The following ZNF544 variants were observed in gnomAD, a reference collection of about 807,000 sequenced individuals.
ZNF544 encodes the protein zinc finger protein 544, also known as zinc finger protein AF020591.
Under a neutral mutation model 13.5 loss-of-function variants are expected in ZNF544, and 10 were observed. That is an observed-to-expected ratio of 0.74 (90% CI 0.46 to 1.25). The LOEUF is 1.25. Ranked by LOEUF, ZNF544 falls within the 50% of genes most tolerant of loss-of-function variation. The pLI is 0.00. For missense variants in ZNF544, 896 were observed against 845.6 expected (o/e 1.06, Z -0.74); for synonymous variants, 323 against 300.5 (o/e 1.07, Z -0.77).
chr19:58,251,776 A>T (rs947567869), intron 6 of ZNF544, among the ~76,000 whole-genome samples: 3 of 152,214 alleles, frequency 2.0e-5, no homozygotes, highest in East Asian at 3.8e-4. Context: ...ATGGGCAGTA[A>T]GCAGATCCAA....
At position 58,262,277 on chromosome 19, in the gene ZNF544, C is replaced by G; in HGVS notation, c.1671C>G (p.Phe557Leu). The change falls in exon 7 of 7, where the codon TTC becomes TTG. Residue 557 changes from phenylalanine to leucine, a missense_variant. Transcript: ENST00000687789. ...AGTGTATTGAATGTGGGAAATCCTT[C>G]AGATGGAACTCTAACCTCGTCATAC... is the stretch of plus-strand genomic sequence containing the variant. ...PYQCIECGKS[F>L]RWNSNLVIHQ... The G allele has an allele frequency of 6.2e-7, 1 of 1,613,902 alleles. No individual in the cohort carries two copies. Among genetic ancestry groups the G allele is most frequent in the Non-Finnish European group, 8.5e-7 (1 of 1,180,020 alleles).
chr19:58,245,595 C>T (rs761341379), intron 4 of ZNF544, among the ~76,000 whole-genome samples: 32 of 152,204 alleles, frequency 2.1e-4, no homozygotes, highest in Non-Finnish European at 2.9e-4. Context: ...CCACCGTGCC[C>T]GGTCAATCAC....
At chr19:58,240,652 C>T (rs935191673) in intron 3 of ZNF544, among the ~76,000 whole-genome samples, 1 of 151,922 alleles carries the variant, frequency 6.6e-6, no homozygotes, top group African/African-American at 2.4e-5. Context: ...ATCCCAGCTA[C>T]TCAAGAGGCT....
At chr19:58,247,131 G>T (rs2045408446) in intron 6 of ZNF544, among the ~76,000 whole-genome samples, 2 of 152,058 alleles carry the variant, frequency 1.3e-5, no homozygotes. Context: ...TGTTGCCCAG[G>T]CTGAAGTGCA....
chr19:58,265,445 G>A (rs933065389), downstream of ZNF544, among the ~76,000 whole-genome samples: 33 of 151,876 alleles, frequency 2.2e-4, no homozygotes, highest in African/African-American at 7.7e-4. Flanking sequence ...ACAGGCACCC[G>A]TCACCACGTC....
intron 4 of ZNF544, among the ~76,000 whole-genome samples, chr19:58,245,541 C>G (rs369208543): frequency 6.6e-6 from 1 of 151,866 alleles, no homozygotes; most frequent in South Asian, 2.1e-4. Context: ...ACCTTGTGAT[C>G]TGCCCGCCTC....
rs746269658 is a variant in ZNF544, at chr19:58,261,352, ACT to A, written c.752_753del (p.Leu251GlnfsTer11). 1.3e-4 allele frequency: 202 copies of A among 1,614,044 alleles called. No homozygotes were observed. Among genetic ancestry groups the A allele is most frequent in the Admixed American group, 8.7e-4 (52 of 59,996 alleles). ...CCTTATGAATATATTGTCAGTGGTG[ACT>A]CTCTCAACTATGGTTCCTCCCTTTG... On this transcript the variant is annotated frameshift_variant, in exon 7 of 7. Transcript: ENST00000687789. LOFTEE classifies it low-confidence loss of function (END_TRUNC).
chr19:58,273,861 C>G (rs2449635), intron 5 of ZNF544, among the ~76,000 whole-genome samples: 1 of 151,166 alleles, frequency 6.6e-6, no homozygotes. Flanking sequence ...AGTGGCGTGG[C>G]CTCAGCTCAC....
intron 6 of ZNF544, among the ~76,000 whole-genome samples, chr19:58,250,498 A>G (rs1476932555): frequency 6.6e-6 from 1 of 152,184 alleles, no homozygotes; most frequent in Non-Finnish European, 1.5e-5. Context: ...CATGAAAACC[A>G]TACAGGTTTT....
At chr19:58,252,066 G>C (rs978925025) in intron 6 of ZNF544, among the ~76,000 whole-genome samples, 3 of 152,148 alleles carry the variant, frequency 2.0e-5, no homozygotes, top group African/African-American at 7.2e-5. Context: ...GCCAATAAAG[G>C]TGTCTGTTAG....
intron 6 of ZNF544, chr19:58,257,990 A>G (rs1473957591): frequency 6.6e-6 from 1 of 152,180 alleles, no homozygotes; most frequent in East Asian, 1.9e-4. Flanking sequence ...AGGTGCACCC[A>G]GGCTTACTTA....
At chr19:58,259,010 A>G (rs1307409770) in intron 6 of ZNF544, 3 of 152,324 alleles carry the variant, frequency 2.0e-5, no homozygotes, top group East Asian at 1.9e-4. Context: ...ATATTTTGTA[A>G]TATCAGTGCC....
At chr19:58,234,104 C>T (rs260444) in intron 3 of ZNF544, among the ~76,000 whole-genome samples, 57,269 of 151,984 alleles carry the variant, frequency 0.38, 11,307 homozygotes, top group East Asian at 0.61. Flanking sequence ...ACCTTTACTC[C>T]CCACAGTCCA....
Position 58,262,892 on chromosome 19 carries a change from T to C in ZNF544, c.*138T>C, listed in dbSNP as rs1568506015. 1 of 1,472,918 alleles carries C rather than the reference T, an allele frequency of 6.8e-7. No homozygotes were observed. Among genetic ancestry groups the C allele is most frequent in the Non-Finnish European group, 8.9e-7 (1 of 1,117,480 alleles). The allele number at this position is 1,472,918 out of a possible 1,614,324, so 91.2% of individuals were successfully genotyped here. The stretch of plus-strand genomic sequence containing the variant: ...GTGACTCATTGAACATCAGAGGACA[T>C]ATCCTGGAGAAAAGCCCTACGAATG... On this transcript the variant is annotated 3_prime_UTR_variant, in exon 7 of 7. Coordinates refer to ENST00000687789, the MANE Select transcript of ZNF544 (RefSeq NM_014480.4).
At chr19:58,253,084 C>T (rs890802853) in intron 6 of ZNF544, among the ~76,000 whole-genome samples, 4 of 152,204 alleles carry the variant, frequency 2.6e-5, no homozygotes, top group African/African-American at 9.7e-5. Flanking sequence ...TCCCAAAGTG[C>T]TGGGATTATA....
chr19:58,256,233 T>C (rs531026382), intron 6 of ZNF544, among the ~76,000 whole-genome samples: 1 of 151,484 alleles, frequency 6.6e-6, no homozygotes, highest in Non-Finnish European at 1.5e-5. Context: ...CACCAAAATA[T>C]GTTACCAGTG....
chr19:58,235,585 A>T (rs1309284985), intron 3 of ZNF544, among the ~76,000 whole-genome samples: 1 of 152,220 alleles, frequency 6.6e-6, no homozygotes, highest in African/African-American at 2.4e-5. Context: ...ATATGCTTGA[A>T]AATTGCTAAG....
chr19:58,235,049 C>G (rs1308116471), intron 3 of ZNF544, among the ~76,000 whole-genome samples: 1 of 152,154 alleles, frequency 6.6e-6, no homozygotes, highest in East Asian at 1.9e-4. Context: ...CATGCAGTTA[C>G]CAGTCCATAA....
intron 6 of ZNF544, among the ~76,000 whole-genome samples, chr19:58,255,124 G>C (rs1467680991): frequency 6.6e-6 from 1 of 151,042 alleles, no homozygotes; most frequent in Non-Finnish European, 1.5e-5. Context: ...TCCTGACCTC[G>C]TGATCTACCC....
Sources: allele counts gnomAD v4.1 joint callset (sites outside exome capture counted in the v4.1 genomes callset), GRCh38; gene constraint gnomAD v4.1.1; transcripts MANE v1.5; gene names NCBI Gene and HGNC (gene_info 2026-07-23, HGNC 2026-07-21).